Variants in ERC1 observed in about 807,000 individuals in gnomAD.
ERC1 encodes the protein ELKS/RAB6-interacting/CAST family member 1, also known as RAB6 interacting protein 2.
ERC1 carries 56 observed loss-of-function variants against 132.0 expected under a neutral mutation model. That is an observed-to-expected ratio of 0.42 (90% CI 0.34 to 0.53). The LOEUF is 0.53. Among genes scored for constraint, ERC1 ranks in the 20% least tolerant of loss-of-function variants. The pLI, the probability that ERC1 is intolerant of heterozygous loss-of-function variation, is 0.03. For synonymous variants in ERC1, 478 were observed against 476.1 expected (o/e 1.00, Z -0.05); for missense variants, 1,202 against 1,349.9 (o/e 0.89, Z 1.72).
intron 8 of ERC1, among the ~76,000 whole-genome samples, chr12:1,180,317 G>A (rs981154085): frequency 6.6e-5 from 10 of 151,106 alleles, no homozygotes; most frequent in African/African-American, 2.2e-4. Flanking sequence ...ATACACATGT[G>A]TACTTTTTTT....
intron 15 of ERC1, among the ~76,000 whole-genome samples, chr12:1,318,267 T>C (rs1285005743): frequency 6.6e-6 from 1 of 152,190 alleles, no homozygotes; most frequent in African/African-American, 2.4e-5. Context: ...GTTTGGTATT[T>C]TGCTGAGATA....
At chr12:1,356,697 T>C (rs2085576146) in intron 15 of ERC1, among the ~76,000 whole-genome samples, 1 of 152,364 alleles carries the variant, frequency 6.6e-6, no homozygotes, top group Non-Finnish European at 1.5e-5. Context: ...TTTTAAATTC[T>C]GTCTGGCATT....
At chr12:992,276 G>C (rs1290798707) in intron 1 of ERC1, among the ~76,000 whole-genome samples, 1 of 152,174 alleles carries the variant, frequency 6.6e-6, no homozygotes, top group East Asian at 1.9e-4. Context: ...AAGGCACATT[G>C]CTGAATAATA....
intron 13 of ERC1, among the ~76,000 whole-genome samples, chr12:1,258,533 A>G (rs1465834257): frequency 6.6e-6 from 1 of 152,178 alleles, no homozygotes; most frequent in African/African-American, 2.4e-5. Context: ...GTTGCATTTC[A>G]TGATTCTCAA....
intron 1 of ERC1, among the ~76,000 whole-genome samples, chr12:1,004,909 A>G (rs1336755027): frequency 6.6e-6 from 1 of 151,302 alleles, no homozygotes; most frequent in Non-Finnish European, 1.5e-5. Context: ...AGGTTGCTGA[A>G]CTTTTCAAGG....
intron 2 of ERC1, among the ~76,000 whole-genome samples, chr12:1,047,747 TGTTA>T (rs1971303957): frequency 1.3e-5 from 2 of 152,230 alleles, no homozygotes; most frequent in Non-Finnish European, 2.9e-5. Context: ...CAGTAACTAA[TGTTA>T]GTTTTGTGCT....
chr12:1,313,998 A>ATAAAT (rs200949677), intron 15 of ERC1, among the ~76,000 whole-genome samples: 1 of 152,010 alleles, frequency 6.6e-6, no homozygotes, highest in African/African-American at 2.4e-5. Context: ...CATAATAATA[A>ATAAAT]TAAATTAAAT....
chr12:1,402,980 C>T (rs2091201115), intron 16 of ERC1, among the ~76,000 whole-genome samples: 1 of 152,150 alleles, frequency 6.6e-6, no homozygotes, highest in African/African-American at 2.4e-5. Context: ...TTAATAGCTG[C>T]GTTTGGATAA....
chr12:1,186,837 A>T (rs1955146848), intron 11 of ERC1, among the ~76,000 whole-genome samples: 1 of 152,068 alleles, frequency 6.6e-6, no homozygotes, highest in South Asian at 2.1e-4. Context: ...TTTTATCTTC[A>T]TTTATTTTTT....
At chr12:1,121,669 C>G (rs56059849) in intron 7 of ERC1, among the ~76,000 whole-genome samples, 131 of 7,880 alleles carry the variant, frequency 0.017, 5 homozygotes, top group South Asian at 0.086. Flanking sequence ...ATCTCTATCT[C>G]TATCTCTATC....
chr12:1,023,423 C>T (rs1966662437), intron 1 of ERC1, among the ~76,000 whole-genome samples: 1 of 150,292 alleles, frequency 6.7e-6, no homozygotes, highest in African/African-American at 2.5e-5. Flanking sequence ...TTTTTTTTTC[C>T]CCTGCAGCAG....
At position 1,260,711 on chromosome 12, in the gene ERC1, T is replaced by G. The variant is rs548176939; in HGVS notation, c.2488-2323T>G. Among the ~76,000 whole-genome samples the G allele has an allele frequency of 6.3e-4, 96 of 152,344 alleles. 1 individual carries two copies. The highest frequency in any genetic ancestry group is 2.1e-3 in the African/African-American group (87 of 41,580). ...TAATTCTGGACTTTGTAAATGAAGG[T>G]GAGAGAGATATTTGCCGTCTTCTTT... is the stretch of plus-strand genomic sequence containing the variant. On this transcript the variant is annotated intron_variant, in intron 13 of 18. Transcript: ENST00000360905.
At chr12:1,294,900 A>G (rs2079795545) in intron 15 of ERC1, among the ~76,000 whole-genome samples, 1 of 152,206 alleles carries the variant, frequency 6.6e-6, no homozygotes, top group Non-Finnish European at 1.5e-5. Flanking sequence ...CCAAATAGGT[A>G]AAACTCCCCT....
In ERC1 at chr12:1,151,147, G is replaced by A. The variant is rs117199673; in HGVS notation, c.1737+9360G>A. ...TCAATTCAAATTTGGCAGTGTATTA[G>A]GGTTAAGAATAATAAAGTAACAGTG... On this transcript the variant is annotated intron_variant, in intron 8 of 18. Coordinates refer to ENST00000360905, the MANE Select transcript of ERC1 (RefSeq NM_178040.4). Among the ~76,000 whole-genome samples the A allele has an allele frequency of 1.9e-3, 288 of 152,204 alleles. 6 individuals carry two copies. In the East Asian group the frequency reaches 0.045, roughly 24 times the overall value.
chr12:1,261,928 T>TG (rs2077170120), intron 13 of ERC1, among the ~76,000 whole-genome samples: 1 of 152,222 alleles, frequency 6.6e-6, no homozygotes, highest in African/African-American at 2.4e-5. Context: ...AAATAATAGA[T>TG]GCTGTTCTTC....
rs550857040 is a variant in ERC1 at position 1,026,895 on chromosome 12, A to T, written c.-156-853A>T. ...GTCAGCTTGTTGAGTTACTTGAAAA[A>T]TCCTTCAACACCTGTGAAAGGAAGG... On this transcript the variant is annotated intron_variant, in intron 1 of 18. Coordinates refer to ENST00000360905, the MANE Select transcript of ERC1 (RefSeq NM_178040.4). Among the ~76,000 whole-genome samples the T allele has an allele frequency of 2.0e-5, 3 of 152,256 alleles. No individual in the cohort carries two copies. The East Asian group carries it at 5.8e-4, about 29-fold the overall frequency.
chr12:1,185,469 T>G (rs1954975371), intron 11 of ERC1, among the ~76,000 whole-genome samples: 1 of 151,654 alleles, frequency 6.6e-6, no homozygotes, highest in African/African-American at 2.4e-5. Context: ...TTTGTTTCCC[T>G]TGATTATCTT....
At chr12:1,448,839 C>T (rs918338264) in intron 18 of ERC1, among the ~76,000 whole-genome samples, 5 of 152,234 alleles carry the variant, frequency 3.3e-5, no homozygotes, top group African/African-American at 7.2e-5. Context: ...TCCTCCAGAC[C>T]CCAGAACAGT....
intron 16 of ERC1, among the ~76,000 whole-genome samples, chr12:1,375,650 C>T (rs868374305): frequency 5.3e-5 from 8 of 151,910 alleles, no homozygotes; most frequent in African/African-American, 1.7e-4. Flanking sequence ...TCACTGATAG[C>T]CCTGTTCGTG....
Sources: allele counts gnomAD v4.1 joint callset (sites outside exome capture counted in the v4.1 genomes callset), GRCh38; gene constraint gnomAD v4.1.1; transcripts MANE v1.5; gene names NCBI Gene and HGNC (gene_info 2026-07-23, HGNC 2026-07-21).